The following ACSS3 variants were observed in gnomAD, a reference collection of about 807,000 sequenced individuals.
ACSS3 encodes the protein acyl-CoA synthetase short-chain family member 3, mitochondrial.
In ACSS3, 64 loss-of-function variants were observed where a neutral mutation model predicts 84.2. The observed-to-expected ratio is 0.76, with a 90% CI of 0.62 to 0.94. The LOEUF is 0.94. ACSS3 is among the 40% of genes least tolerant of loss of function. The pLI is 0.00. For synonymous variants in ACSS3, 317 were observed against 310.1 expected (o/e 1.02, Z -0.23); for missense variants, 815 against 867.6 (o/e 0.94, Z 0.76).
At chr12:81,240,515 T>C (rs769855686) in intron 13 of ACSS3, among the ~76,000 whole-genome samples, 1 of 152,114 alleles carries the variant, frequency 6.6e-6, no homozygotes, top group South Asian at 2.1e-4. Context: ...TGCCTTTTAA[T>C]TGGTATATTT....
chr12:81,201,917 T>C (rs1222273965), intron 9 of ACSS3, among the ~76,000 whole-genome samples: 1 of 152,216 alleles, frequency 6.6e-6, no homozygotes, highest in African/African-American at 2.4e-5. Context: ...TTAGGATCTC[T>C]ATACGTTTGC....
chr12:81,143,373 T>C (rs1886185144), intron 5 of ACSS3, 126 bp downstream of exon 5: 3 of 1,089,390 alleles, frequency 2.8e-6, no homozygotes, highest in Non-Finnish European at 3.7e-6. Flanking sequence ...TCATTTGCTT[T>C]TATTTTTTTT....
In ACSS3 at chr12:81,255,040, A is replaced by G. The variant is rs1201156746; in HGVS notation, c.*118A>G. 3 of 1,002,342 alleles carry G rather than the reference A, an allele frequency of 3.0e-6. No homozygotes were observed. The highest frequency in any genetic ancestry group is 4.2e-6 in the Non-Finnish European group (3 of 707,042). The allele number at this position is 1,002,342 out of a possible 1,614,324, so 62.1% of individuals were successfully genotyped here. On this transcript the variant is annotated 3_prime_UTR_variant, in exon 16 of 16. Coordinates refer to ENST00000548058, the MANE Select transcript of ACSS3 (RefSeq NM_024560.4). ...AAATTACTTGCAAAATGAAATGTGAATTGTAAAACTTGGCCTAAACAAATC... is the reference window on the plus strand; with the variant it reads ...AAATTACTTGCAAAATGAAATGTGAGTTGTAAAACTTGGCCTAAACAAATC...
At chr12:81,182,810 G>T (rs935848490) in intron 8 of ACSS3, among the ~76,000 whole-genome samples, 1 of 151,994 alleles carries the variant, frequency 6.6e-6, no homozygotes, top group African/African-American at 2.4e-5. Flanking sequence ...TTTCTAGAAC[G>T]TACTGTGAAC....
intron 1 of ACSS3, among the ~76,000 whole-genome samples, chr12:81,085,125 G>A (rs994625950): frequency 6.6e-6 from 1 of 152,172 alleles, no homozygotes; most frequent in African/African-American, 2.4e-5. Flanking sequence ...AATTTTGCTT[G>A]TTTTGAAGCC....
intron 9 of ACSS3, among the ~76,000 whole-genome samples, chr12:81,206,510 A>AT (rs2032354009): frequency 6.6e-6 from 1 of 152,096 alleles, no homozygotes; most frequent in Admixed American, 6.6e-5. Context: ...TAGAAAAGAT[A>AT]TTTTTTGGTA....
intron 12 of ACSS3, among the ~76,000 whole-genome samples, 155 bp downstream of exon 12, chr12:81,231,293 A>G (rs2033454901): frequency 6.6e-6 from 1 of 151,854 alleles, no homozygotes; most frequent in Admixed American, 6.6e-5. Context: ...AGAATGCCCA[A>G]CTCATAATTA....
chr12:81,125,620 T>A (rs1885035522), intron 2 of ACSS3: 1 of 152,056 alleles, frequency 6.6e-6, no homozygotes, highest in South Asian at 2.1e-4. Context: ...ATTTTACACA[T>A]CCCGCCTGGG....
intron 1 of ACSS3, among the ~76,000 whole-genome samples, chr12:81,104,189 T>G (rs563135097): frequency 3.6e-4 from 55 of 151,886 alleles, no homozygotes; most frequent in Non-Finnish European, 5.3e-4. Flanking sequence ...TGGCCATGAG[T>G]TCCCTGGGTT....
Position 81,209,018 on chromosome 12 carries a change from A to C in ACSS3, c.1355-7883A>C, listed in dbSNP as rs150013518. ...AAGAAAATGTTGTAAAGGAATCATA[A>C]TGGTAACATATAGCTTTTATCTTCC... On this transcript the variant is annotated intron_variant, in intron 9 of 15. Coordinates refer to ENST00000548058, the MANE Select transcript of ACSS3 (RefSeq NM_024560.4). 2.1e-3 allele frequency among the ~76,000 whole-genome samples: 320 copies of C among 152,226 alleles called. 1 individual carries two copies. The highest frequency in any genetic ancestry group is 7.0e-3 in the African/African-American group (291 of 41,546).
intron 1 of ACSS3, among the ~76,000 whole-genome samples, chr12:81,097,599 C>A (rs1882160091): frequency 6.6e-6 from 1 of 152,208 alleles, no homozygotes; most frequent in East Asian, 1.9e-4. Context: ...TTGTGTCCTG[C>A]TCCTGCCCAT....
At chr12:81,084,537 T>C (rs973126202) in intron 1 of ACSS3, among the ~76,000 whole-genome samples, 2 of 151,976 alleles carry the variant, frequency 1.3e-5, no homozygotes, top group African/African-American at 4.8e-5. Context: ...GAGAACTTGA[T>C]GTAGAATTAT....
intron 11 of ACSS3, among the ~76,000 whole-genome samples, chr12:81,221,451 G>C (rs2033104655): frequency 6.6e-6 from 1 of 151,976 alleles, no homozygotes; most frequent in African/African-American, 2.4e-5. Flanking sequence ...AAAATTACAT[G>C]GAAAACAGTA....
intron 2 of ACSS3, among the ~76,000 whole-genome samples, chr12:81,124,049 T>A (rs1009508135): frequency 5.9e-5 from 9 of 152,202 alleles, no homozygotes; most frequent in African/African-American, 2.2e-4. Context: ...TTTTAAATTG[T>A]TTGAGAAATC....
At chr12:81,155,047 C>T (rs927710800) in intron 7 of ACSS3, among the ~76,000 whole-genome samples, 26 of 152,138 alleles carry the variant, frequency 1.7e-4, no homozygotes, top group East Asian at 5.8e-4. Flanking sequence ...GAGCTGGCCA[C>T]ACTATACTGA....
chr12:81,249,254 T>C (rs947964055), intron 13 of ACSS3, among the ~76,000 whole-genome samples: 10 of 152,084 alleles, frequency 6.6e-5, no homozygotes, highest in Non-Finnish European at 1.2e-4. Flanking sequence ...TCTTGCTCAG[T>C]TCTCTTTGAC....
intron 1 of ACSS3, among the ~76,000 whole-genome samples, chr12:81,083,504 T>C (rs1316391146): frequency 6.6e-6 from 1 of 152,012 alleles, no homozygotes; most frequent in Non-Finnish European, 1.5e-5. Flanking sequence ...ATTACAGATG[T>C]GCACCACCAC....
chr12:81,104,968 C>T (rs1882853997), intron 1 of ACSS3: 1 of 152,158 alleles, frequency 6.6e-6, no homozygotes, highest in Non-Finnish European at 1.5e-5. Context: ...GCATAACCAT[C>T]ACCCAAAGAG....
rs1363676835 is a variant in ACSS3, at chr12:81,237,218, T to C, written c.1719+3747T>C. Among the ~76,000 whole-genome samples, 4 of 151,470 alleles carry C rather than the reference T, an allele frequency of 2.6e-5. No individual in the cohort carries two copies. In the East Asian group the frequency reaches 7.8e-4, roughly 29 times the overall value. On this transcript the variant is annotated intron_variant, in intron 13 of 15. Transcript: ENST00000548058. ...AAGATAGTGAGCCAATCTCCCCAGC[T>C]TCTTGGGAGTTTATACTAGGGATCT...
Sources: allele counts gnomAD v4.1 joint callset (sites outside exome capture counted in the v4.1 genomes callset), GRCh38; gene constraint gnomAD v4.1.1; transcripts MANE v1.5; gene names NCBI Gene and HGNC (gene_info 2026-07-23, HGNC 2026-07-21).